ADD3: variants seen among roughly 807,000 people sequenced by gnomAD.
ADD3 encodes the protein gamma-adducin.
In ADD3, 25 loss-of-function variants were observed where a neutral mutation model predicts 80.2. That is an observed-to-expected ratio of 0.31 (90% CI 0.23 to 0.44). ADD3 has a LOEUF of 0.44. Among genes scored for constraint, ADD3 ranks in the 20% least tolerant of loss-of-function variants. The probability of loss-of-function intolerance (pLI) is 1.00; values close to 1 mark genes in which losing one functional copy is unlikely to be tolerated. For synonymous variants in ADD3, 284 were observed against 289.6 expected, an observed-to-expected ratio of 0.98 and a Z score of 0.20; for missense variants, 829 against 847.5, an observed-to-expected ratio of 0.98 and a Z score of 0.27.
chr10:110,132,404 C>G lies in ADD3; in HGVS notation c.1828+4C>G. Reference sequence around the variant, plus strand: ...AATGTCCCTGAAAAATTAGAAGGTACTCAATGTAATTTCCCACATAGCATT... The same window carrying G: ...AATGTCCCTGAAAAATTAGAAGGTAGTCAATGTAATTTCCCACATAGCATT... On this transcript the variant is annotated splice_donor_region_variant and intron_variant, in intron 14 of 14. Transcript: ENST00000356080. 6.3e-7 allele frequency: 1 copy of G among 1,596,088 alleles called. No individual in the cohort carries two copies. The highest frequency in any genetic ancestry group is 8.6e-7 in the Non-Finnish European group (1 of 1,163,970).
At chr10:110,086,899 G>A (rs1846839025) in intron 1 of ADD3, among the ~76,000 whole-genome samples, 1 of 152,218 alleles carries the variant, frequency 6.6e-6, no homozygotes, top group African/African-American at 2.4e-5. Context: ...CATAATCCAA[G>A]GGTCCCAGAG....
At chr10:110,122,822 G>C (rs1851687633) in intron 9 of ADD3, among the ~76,000 whole-genome samples, 1 of 151,540 alleles carries the variant, frequency 6.6e-6, no homozygotes, top group Non-Finnish European at 1.5e-5. Context: ...TGTAGAGATA[G>C]GGTTTCTCCA....
upstream of ADD3, among the ~76,000 whole-genome samples, chr10:110,001,951 T>C (rs1230973695): frequency 4.6e-5 from 7 of 152,346 alleles, no homozygotes; most frequent in East Asian, 7.7e-4. Context: ...AGGTTTCACA[T>C]AGCAATTGCA....
At chr10:110,051,593 C>T (rs1467175722) in intron 1 of ADD3, among the ~76,000 whole-genome samples, 1 of 152,116 alleles carries the variant, frequency 6.6e-6, no homozygotes, top group Non-Finnish European at 1.5e-5. Context: ...AGATGGCTCT[C>T]TAAGTCCTGA....
At position 110,063,783 on chromosome 10, in the gene ADD3, A is replaced by AT. The variant is rs1491280257; in HGVS notation, c.-29-36842_-29-36841insT. ...TATATATATATATATATATATATATAAAGTGAACACCGTGTGTAACCTACC... is the reference window on the plus strand; with the variant it reads ...TATATATATATATATATATATATATATAAGTGAACACCGTGTGTAACCTACC... On this transcript the variant is annotated intron_variant, in intron 1 of 14. Transcript: ENST00000356080. 3.5e-3 allele frequency among the ~76,000 whole-genome samples: 435 copies of AT among 123,234 alleles called. 3 individuals are homozygous for AT. Among genetic ancestry groups the AT allele is most frequent in the African/African-American group, 4.6e-3 (145 of 31,804 alleles). 80.8% of individuals were successfully genotyped at this position (123,234 alleles called of 152,430 possible).
At chr10:110,046,533 A>G (rs559165073) in intron 1 of ADD3, among the ~76,000 whole-genome samples, 95 of 152,172 alleles carry the variant, frequency 6.2e-4, no homozygotes, top group African/African-American at 2.2e-3. Flanking sequence ...TTTGAAGGAT[A>G]TAAAATCTCA....
chr10:110,012,877 G>A (rs1296922710), intron 1 of ADD3, among the ~76,000 whole-genome samples: 1 of 151,988 alleles, frequency 6.6e-6, no homozygotes, highest in Non-Finnish European at 1.5e-5. Context: ...GGGACTACAG[G>A]CATGAGCCAC....
chr10:110,020,159 G>A (rs148779337), intron 1 of ADD3, among the ~76,000 whole-genome samples: 133 of 152,118 alleles, frequency 8.7e-4, no homozygotes, highest in African/African-American at 3.0e-3. Flanking sequence ...TGAGCAGCTC[G>A]GTGCATCCTT....
chr10:110,077,725 A>G (rs971048122), intron 1 of ADD3, among the ~76,000 whole-genome samples: 1 of 152,072 alleles, frequency 6.6e-6, no homozygotes, highest in Non-Finnish European at 1.5e-5. Flanking sequence ...GAGTTGAACT[A>G]TAGGAGAATT....
chr10:110,039,548 G>A (rs962624220), intron 1 of ADD3, among the ~76,000 whole-genome samples: 5 of 152,194 alleles, frequency 3.3e-5, no homozygotes, highest in Non-Finnish European at 5.9e-5. Context: ...CAGTAGGAAA[G>A]CATACAGTGA....
chr10:110,083,881 C>T (rs1846373664), intron 1 of ADD3, among the ~76,000 whole-genome samples: 1 of 152,190 alleles, frequency 6.6e-6, no homozygotes, highest in Non-Finnish European at 1.5e-5. Flanking sequence ...TACAACTTGA[C>T]AGAACCTTTC....
intron 5 of ADD3, among the ~76,000 whole-genome samples, chr10:110,118,254 A>G (rs1590201698): frequency 6.6e-6 from 1 of 152,168 alleles, no homozygotes; most frequent in Admixed American, 6.5e-5. Flanking sequence ...AGCCAATTCT[A>G]TACATGCCAG....
intron 1 of ADD3, among the ~76,000 whole-genome samples, chr10:110,025,966 A>C (rs1854244598): frequency 1.3e-5 from 2 of 152,176 alleles, no homozygotes; most frequent in Admixed American, 1.3e-4. Context: ...AGTTTTGTGA[A>C]GTTTTTTCCA....
intron 1 of ADD3, among the ~76,000 whole-genome samples, chr10:110,088,426 G>A (rs772429730): frequency 5.3e-5 from 8 of 152,182 alleles, no homozygotes; most frequent in Non-Finnish European, 1.2e-4. Flanking sequence ...TAACCAAAAA[G>A]TATTTTTGCA....
At chr10:110,060,804 A>G (rs995704585) in intron 1 of ADD3, among the ~76,000 whole-genome samples, 1 of 152,300 alleles carries the variant, frequency 6.6e-6, no homozygotes, top group South Asian at 2.1e-4. Flanking sequence ...CATTGTTGCT[A>G]TAGAGGAATG....
chr10:110,049,260 G>C lies in ADD3; in HGVS notation c.-30+40961G>C, dbSNP rs551821991. Among the ~76,000 whole-genome samples, 120 of 152,312 alleles carry C rather than the reference G, an allele frequency of 7.9e-4. 1 individual carries two copies. The highest frequency in any genetic ancestry group is 2.8e-3 in the African/African-American group (116 of 41,554). On this transcript the variant is annotated intron_variant, in intron 1 of 14. Coordinates refer to ENST00000356080, the MANE Select transcript of ADD3 (RefSeq NM_016824.5). The stretch of plus-strand genomic sequence containing the variant: ...CAGGCAGAAGTTTGCTGCAGGGCTG[G>C]GGCCGTCATGGAGAACCTCTGCTAG...
At chr10:110,015,153 A>G (rs760171883) in intron 1 of ADD3, among the ~76,000 whole-genome samples, 1 of 152,146 alleles carries the variant, frequency 6.6e-6, no homozygotes, top group Non-Finnish European at 1.5e-5. Flanking sequence ...TAAATTGGAG[A>G]TTGCACTAAA....
At chr10:110,010,175 C>A (rs1852173403) in intron 1 of ADD3, among the ~76,000 whole-genome samples, 1 of 152,012 alleles carries the variant, frequency 6.6e-6, no homozygotes, top group Non-Finnish European at 1.5e-5. Context: ...AGCCCAACTC[C>A]TACACACAAT....
At chr10:110,089,908 G>A (rs922214468) in intron 1 of ADD3, among the ~76,000 whole-genome samples, 1 of 152,064 alleles carries the variant, frequency 6.6e-6, no homozygotes, top group Non-Finnish European at 1.5e-5. Context: ...TATGGCCATT[G>A]TAATTGGTAA....
Sources: allele counts gnomAD v4.1 joint callset (sites outside exome capture counted in the v4.1 genomes callset), GRCh38; gene constraint gnomAD v4.1.1; transcripts MANE v1.5; gene names NCBI Gene and HGNC (gene_info 2026-07-23, HGNC 2026-07-21).